Variants in GAREM1 observed in about 807,000 individuals in gnomAD.
GAREM1 encodes the protein GRB2 associated regulator of MAPK1 subtype 1, also known as GRB2-associated and regulator of MAPK protein 1.
Under a neutral mutation model 71.3 loss-of-function variants are expected in GAREM1, and 26 were observed. The observed-to-expected ratio is 0.36, with a 90% CI of 0.27 to 0.51. The LOEUF (loss-of-function observed/expected upper bound fraction) is 0.51. GAREM1 is among the 20% of genes least tolerant of loss of function. The pLI is 0.95. For missense variants in GAREM1, 1,026 were observed against 1,103.1 expected (o/e 0.93, Z 0.99); for synonymous variants, 440 against 433.2 (o/e 1.02, Z -0.20).
chr18:32,446,805 T>C (rs1428506382), intron 1 of GAREM1, among the ~76,000 whole-genome samples: 1 of 152,208 alleles, frequency 6.6e-6, no homozygotes, highest in Non-Finnish European at 1.5e-5. Flanking sequence ...ATTCCTATAA[T>C]TATTCTAGGT....
intron 2 of GAREM1, among the ~76,000 whole-genome samples, chr18:32,366,583 G>A (rs767501013): frequency 3.3e-5 from 5 of 152,048 alleles, no homozygotes; most frequent in Admixed American, 6.6e-5. Context: ...TAAAATGGCC[G>A]GTAGACTAGA....
At chr18:32,375,970 G>T (rs1028511163) in intron 2 of GAREM1, among the ~76,000 whole-genome samples, 2 of 151,930 alleles carry the variant, frequency 1.3e-5, no homozygotes, top group Admixed American at 6.6e-5. Flanking sequence ...ACAGAAGTCT[G>T]CATGAACTTA....
intron 3 of GAREM1, among the ~76,000 whole-genome samples, chr18:32,309,099 C>CT (rs2047287727): frequency 6.7e-6 from 1 of 150,190 alleles, no homozygotes; most frequent in African/African-American, 2.5e-5. Flanking sequence ...TTTAGGTGGA[C>CT]TTTGGGCTGA....
chr18:32,386,608 G>A (rs1224784016), intron 2 of GAREM1, among the ~76,000 whole-genome samples: 1 of 152,072 alleles, frequency 6.6e-6, no homozygotes, highest in Admixed American at 6.5e-5. Flanking sequence ...GTAGCAATCT[G>A]TTCATCCATG....
intron 2 of GAREM1, among the ~76,000 whole-genome samples, chr18:32,331,425 CTA>C (rs2047534162): frequency 6.6e-6 from 1 of 152,176 alleles, no homozygotes; most frequent in African/African-American, 2.4e-5. Context: ...AATGTTAACA[CTA>C]TGTAAAAACA....
chr18:32,431,986 A>G (rs1568009158), intron 1 of GAREM1, among the ~76,000 whole-genome samples: 1 of 152,210 alleles, frequency 6.6e-6, no homozygotes, highest in Non-Finnish European at 1.5e-5. Flanking sequence ...TGAAGGTGAA[A>G]TAGACATTCT....
chr18:32,353,585 C>G (rs1330283202), intron 2 of GAREM1, among the ~76,000 whole-genome samples: 3 of 152,118 alleles, frequency 2.0e-5, no homozygotes, highest in African/African-American at 7.2e-5. Context: ...TTCTGAGTTA[C>G]ATTAGGTAAA....
chr18:32,276,652 G>C (rs1046333294), intron 4 of GAREM1, among the ~76,000 whole-genome samples: 13 of 152,154 alleles, frequency 8.5e-5, no homozygotes, highest in African/African-American at 3.1e-4. Flanking sequence ...TGGCATAAAA[G>C]AAGAACCAGA....
chr18:32,395,804 T>G (rs2048248570), intron 1 of GAREM1, among the ~76,000 whole-genome samples: 1 of 152,092 alleles, frequency 6.6e-6, no homozygotes, highest in Admixed American at 6.6e-5. Flanking sequence ...CTGACAGCTT[T>G]GAAGAGTGTA....
intron 1 of GAREM1, among the ~76,000 whole-genome samples, chr18:32,436,733 G>A (rs958102659): frequency 5.5e-5 from 8 of 146,168 alleles, no homozygotes; most frequent in African/African-American, 2.2e-4. Flanking sequence ...TTCTGATTAC[G>A]CAGTTTCAAA....
chr18:32,303,871 T>A (rs2047222711), intron 3 of GAREM1, among the ~76,000 whole-genome samples: 1 of 151,186 alleles, frequency 6.6e-6, no homozygotes, highest in Non-Finnish European at 1.5e-5. Flanking sequence ...CAATGAGCTA[T>A]GATAGTGCCA....
intron 2 of GAREM1, among the ~76,000 whole-genome samples, chr18:32,372,537 C>T (rs1171812490): frequency 6.6e-6 from 1 of 152,148 alleles, no homozygotes; most frequent in African/African-American, 2.4e-5. Context: ...AACAAACAAC[C>T]TTTTAGCAAG....
chr18:32,401,969 C>CT (rs1037243472), intron 1 of GAREM1, among the ~76,000 whole-genome samples: 3 of 152,138 alleles, frequency 2.0e-5, no homozygotes, highest in Middle Eastern at 3.4e-3. Flanking sequence ...ATGCTTATGT[C>CT]TTTTTTTATT....
rs2041381453 is a variant in GAREM1, at chr18:32,266,919, C to T, written c.*952G>A. The T allele has an allele frequency of 6.6e-6, 1 of 152,208 alleles. No homozygotes were observed. The highest frequency in any genetic ancestry group is 2.1e-4 in the South Asian group (1 of 4,832). The allele number at this position is 152,208 out of a possible 1,614,324, so 9.4% of individuals were successfully genotyped here. On this transcript the variant is annotated 3_prime_UTR_variant, in exon 6 of 6. Transcript: ENST00000269209. ...AAAAACCAGCCCTGCGGTGAGTGGG[C>T]TTAAACTCAAACTTAATTCTTCAAT...
intron 2 of GAREM1, among the ~76,000 whole-genome samples, chr18:32,387,930 T>C (rs1317889884): frequency 6.6e-6 from 1 of 152,244 alleles, no homozygotes; most frequent in African/African-American, 2.4e-5. Context: ...GGCCTATGGC[T>C]GCCCAGGCTG....
At chr18:32,393,074 T>C in intron 1 of GAREM1, 39 bp from the exon 2 acceptor site, 1 of 1,590,076 alleles carries the variant, frequency 6.3e-7, no homozygotes, top group East Asian at 2.3e-5. Context: ...TTAGAATTCA[T>C]AATCTGCTTT....
chr18:32,313,149 C>T (rs755306331), intron 2 of GAREM1, among the ~76,000 whole-genome samples: 18 of 152,030 alleles, frequency 1.2e-4, no homozygotes, highest in Non-Finnish European at 2.2e-4. Context: ...CAGCCAGAGC[C>T]GAGACTACCA....
chr18:32,365,577 T>C (rs2047922358), intron 2 of GAREM1, among the ~76,000 whole-genome samples: 1 of 152,092 alleles, frequency 6.6e-6, no homozygotes, highest in Non-Finnish European at 1.5e-5. Flanking sequence ...GGAGGAAGGG[T>C]TGGCCAAAAC....
intron 1 of GAREM1, among the ~76,000 whole-genome samples, chr18:32,400,076 G>A (rs575704582): frequency 1.3e-5 from 2 of 152,286 alleles, no homozygotes; most frequent in South Asian, 4.1e-4. Flanking sequence ...ATGGGGAAAG[G>A]ATTCCCTATT....
Sources: allele counts gnomAD v4.1 joint callset (sites outside exome capture counted in the v4.1 genomes callset), GRCh38; gene constraint gnomAD v4.1.1; transcripts MANE v1.5; gene names NCBI Gene and HGNC (gene_info 2026-07-23, HGNC 2026-07-21).